ZFYVE16: variants seen among roughly 807,000 people sequenced by gnomAD.
ZFYVE16 encodes the protein zinc finger FYVE-type containing 16.
Under a neutral mutation model 138.1 loss-of-function variants are expected in ZFYVE16, and 89 were observed. That is an observed-to-expected ratio of 0.64 (90% CI 0.54 to 0.77). The LOEUF (loss-of-function observed/expected upper bound fraction) is 0.77, where lower values mean the gene tolerates loss of function less well. ZFYVE16 is among the 30% of genes least tolerant of loss of function. The probability of loss-of-function intolerance (pLI) is 0.00; values close to 1 mark genes in which losing one functional copy is unlikely to be tolerated. For synonymous variants in ZFYVE16, 596 were observed against 618.3 expected (o/e 0.96, Z 0.53); for missense variants, 1,793 against 1,786.7 (o/e 1.00, Z -0.06).
At chr5:80,445,882 C>T (rs1751281971) in intron 7 of ZFYVE16, among the ~76,000 whole-genome samples, 1 of 149,616 alleles carries the variant, frequency 6.7e-6, no homozygotes, top group South Asian at 2.1e-4. Flanking sequence ...TATAAATCAC[C>T]ACACCTGGCA....
intron 8 of ZFYVE16, among the ~76,000 whole-genome samples, chr5:80,448,780 C>T (rs764803823): frequency 5.9e-5 from 9 of 151,962 alleles, no homozygotes; most frequent in Admixed American, 1.3e-4. Flanking sequence ...AATTTTAGTT[C>T]CTTGTCTGCT....
rs145213271 is a variant in ZFYVE16, at chr5:80,409,380, A to G, written c.-94+1227A>G. On this transcript the variant is annotated intron_variant, in intron 1 of 18. Transcript: ENST00000505560. ...AGAATAGTGCTACAGTTCATTTAAC[A>G]TTATGATTGGGGATAATTACGCTTA... Among the ~76,000 whole-genome samples, 304 of 152,340 alleles carry G rather than the reference A, an allele frequency of 2.0e-3. 2 individuals carry two copies. The highest frequency in any genetic ancestry group is 7.0e-3 in the African/African-American group (291 of 41,568).
chr5:80,439,115 T>G, intron 4 of ZFYVE16, 108 bp downstream of exon 4: 1 of 1,191,366 alleles, frequency 8.4e-7, no homozygotes, highest in South Asian at 1.7e-5. Context: ...TGAGTTAGTT[T>G]AAAATCAGTG....
chr5:80,477,060 T>A (rs1314094957), intron 18 of ZFYVE16, among the ~76,000 whole-genome samples, 159 bp from the exon 19 acceptor site: 1 of 152,170 alleles, frequency 6.6e-6, no homozygotes, highest in Admixed American at 6.5e-5. Context: ...AGTAGACAGA[T>A]AAAAGATACA....
At chr5:80,417,372 T>C (rs1482727618) in intron 1 of ZFYVE16, among the ~76,000 whole-genome samples, 1 of 152,220 alleles carries the variant, frequency 6.6e-6, no homozygotes, top group Non-Finnish European at 1.5e-5. Context: ...TTCTCCTAAA[T>C]AATTTTTTGA....
chr5:80,415,222 T>C (rs1230825268), intron 1 of ZFYVE16, among the ~76,000 whole-genome samples: 1 of 152,248 alleles, frequency 6.6e-6, no homozygotes, highest in East Asian at 1.9e-4. Context: ...GGAACAGTTT[T>C]AGATTTACAG....
chr5:80,438,301 A>G lies in ZFYVE16; in HGVS notation c.1616A>G (p.Glu539Gly). 1 of 1,614,084 alleles carries G rather than the reference A, an allele frequency of 6.2e-7. No individual in the cohort carries two copies. Among genetic ancestry groups the G allele is most frequent in the South Asian group, 1.1e-5 (1 of 91,080 alleles). Reference sequence around the variant, plus strand: ...GCTGAACTTGATGCCTTTCTGACAGAACAGTATCTTCAGACCACTAACATA... The same window carrying G: ...GCTGAACTTGATGCCTTTCTGACAGGACAGTATCTTCAGACCACTAACATA... Reference protein sequence around the residue: ...SDAELDAFLTEQYLQTTNIKS... With the variant: ...SDAELDAFLTGQYLQTTNIKS... The change falls in exon 4 of 19, where the codon GAA becomes GGA. Residue 539 changes from glutamate to glycine, a missense_variant. Coordinates refer to ENST00000505560, the MANE Select transcript of ZFYVE16 (RefSeq NM_001284236.3).
chr5:80,417,722 A>C (rs907041066), intron 1 of ZFYVE16, among the ~76,000 whole-genome samples: 3 of 152,216 alleles, frequency 2.0e-5, no homozygotes, highest in Admixed American at 6.5e-5. Flanking sequence ...CAAATACCTA[A>C]TGAAGTACAT....
Position 80,473,251 on chromosome 5 carries a change from A to G in ZFYVE16, c.4187+328A>G, listed in dbSNP as rs554575532. Among the ~76,000 whole-genome samples the G allele has an allele frequency of 2.0e-5, 3 of 152,308 alleles. No individual in the cohort carries two copies. In the South Asian group the frequency reaches 6.2e-4, roughly 32 times the overall value. On this transcript the variant is annotated intron_variant, in intron 16 of 18. Transcript: ENST00000505560. ...TGGTACCTATTTTTGTCACATAAGT[A>G]AAAGATTCCCTTTGGATGATATATA... is the stretch of plus-strand genomic sequence containing the variant.
chr5:80,468,879 C>A, intron 15 of ZFYVE16, among the ~76,000 whole-genome samples: 1 of 151,676 alleles, frequency 6.6e-6, no homozygotes. Flanking sequence ...CTTTGCAATT[C>A]TTATGCTTTT....
chr5:80,433,145 T>C (rs1262508664), intron 2 of ZFYVE16, among the ~76,000 whole-genome samples: 1 of 152,190 alleles, frequency 6.6e-6, no homozygotes, highest in Non-Finnish European at 1.5e-5. Context: ...CACATATGTT[T>C]ATTGCGGCAC....
At position 80,474,229 on chromosome 5, in the gene ZFYVE16, T is replaced by A. The variant is rs574494919; in HGVS notation, c.4293+370T>A. ...ACTTTTTCATGTTTTAGTTTTTTTT[T>A]AAATTAGAGGATATGAAACTACAGA... On this transcript the variant is annotated intron_variant, in intron 17 of 18. Coordinates refer to ENST00000505560, the MANE Select transcript of ZFYVE16 (RefSeq NM_001284236.3). Among the ~76,000 whole-genome samples, 235 of 152,314 alleles carry A rather than the reference T, an allele frequency of 1.5e-3. 1 individual carries two copies. Among genetic ancestry groups the A allele is most frequent in the African/African-American group, 5.3e-3 (220 of 41,562 alleles).
Position 80,434,316 on chromosome 5 carries a change from T to C in ZFYVE16, c.70+99T>C, listed in dbSNP as rs111815748. 5.3e-4 allele frequency: 670 copies of C among 1,273,894 alleles called. 2 individuals carry two copies. The African/African-American group carries it at 9.0e-3, about 17-fold the overall frequency. 78.9% of individuals were successfully genotyped at this position (1,273,894 alleles called of 1,614,324 possible). A position where few individuals can be genotyped will look rare whatever the true frequency, so the allele number is the denominator to read the frequency against. On this transcript the variant is annotated intron_variant, in intron 3 of 18. Transcript: ENST00000505560. ...TAATATTAGCAAAATTTTCTTTCAA[T>C]TTTGGTCACGTTATCTTCTGCAAAA... is the stretch of plus-strand genomic sequence containing the variant.
intron 2 of ZFYVE16, among the ~76,000 whole-genome samples, chr5:80,428,669 G>A (rs1379833780): frequency 6.6e-6 from 1 of 152,200 alleles, no homozygotes; most frequent in Non-Finnish European, 1.5e-5. Context: ...AACTAAAGCA[G>A]GAAGTTCGAA....
chr5:80,459,277 A>T lies in ZFYVE16; in HGVS notation c.3944-137A>T. 5.1e-6 allele frequency: 3 copies of T among 584,874 alleles called. No homozygotes were observed. In the South Asian group the frequency reaches 9.1e-5, roughly 18 times the overall value. The allele number at this position is 584,874 out of a possible 1,614,324, so 36.2% of individuals were successfully genotyped here. A position where few individuals can be genotyped will look rare whatever the true frequency, so the allele number is the denominator to read the frequency against. On this transcript the variant is annotated intron_variant, in intron 14 of 18. Transcript: ENST00000505560. ...TTTTATCTCTTTTTTTTGTCTTTTT[A>T]ATTAGTTTTCTAGTTTAAGTTGTGT...
intron 15 of ZFYVE16, among the ~76,000 whole-genome samples, chr5:80,463,322 G>A (rs555834962): frequency 6.6e-5 from 10 of 152,260 alleles, no homozygotes; most frequent in Admixed American, 2.6e-4. Flanking sequence ...ACCTGTAGGC[G>A]CAACACCACC....
intron 1 of ZFYVE16, among the ~76,000 whole-genome samples, chr5:80,415,398 T>A (rs1235973025): frequency 6.6e-6 from 1 of 152,190 alleles, no homozygotes; most frequent in Admixed American, 6.5e-5. Context: ...CTAATATGCT[T>A]TTTCTGTTCC....
At chr5:80,459,554 A>T (rs1752890308) in intron 15 of ZFYVE16, 60 bp downstream of exon 15, 1 of 1,418,446 alleles carries the variant, frequency 7.0e-7, no homozygotes, top group Non-Finnish European at 9.8e-7. Context: ...ACCTTTGAAA[A>T]ATATATTTGA....
At chr5:80,447,973 T>C in intron 7 of ZFYVE16, 53 bp from the exon 8 acceptor site, 1 of 1,435,446 alleles carries the variant, frequency 7.0e-7, no homozygotes, top group Non-Finnish European at 9.3e-7. Flanking sequence ...CATTTCATAG[T>C]TGAACAGAGA....
Sources: gnomAD v4.1 joint callset for allele counts (sites outside exome capture counted in the v4.1 genomes callset) on GRCh38, gnomAD v4.1.1 for gene constraint, MANE v1.5 for transcripts, NCBI Gene and HGNC (gene_info 2026-07-23, HGNC 2026-07-21) for gene names.